The following TENM2 variants were observed in gnomAD, a reference collection of about 807,000 sequenced individuals.
The protein encoded by TENM2 is teneurin transmembrane protein 2.
Under a neutral mutation model 245.2 loss-of-function variants are expected in TENM2, and 52 were observed. The ratio of observed to expected loss-of-function variants is 0.21; its 90% CI spans 0.17 to 0.27. The LOEUF (loss-of-function observed/expected upper bound fraction) is 0.27. TENM2 is among the 10% of genes least tolerant of loss of function. The pLI, the probability that TENM2 is intolerant of heterozygous loss-of-function variation, is 1.00. For missense variants in TENM2, 3,046 were observed against 3,666.8 expected (o/e 0.83, Z 4.37); for synonymous variants, 1,363 against 1,438.9 (o/e 0.95, Z 1.19).
chr5:168,070,984 A>AAAAGAG (rs1790969145), intron 7 of TENM2, among the ~76,000 whole-genome samples: 1 of 151,974 alleles, frequency 6.6e-6, no homozygotes, highest in African/African-American at 2.4e-5. Context: ...AAGGGAAAGG[A>AAAAGAG]AAAGAGAAAG....
chr5:167,520,464 C>G (rs949451070), intron 2 of TENM2, among the ~76,000 whole-genome samples: 3 of 151,954 alleles, frequency 2.0e-5, no homozygotes, highest in African/African-American at 7.3e-5. Flanking sequence ...CATGTTCTTT[C>G]AGTATGAGAT....
chr5:167,643,846 T>G (rs1054221914), intron 2 of TENM2, among the ~76,000 whole-genome samples: 1 of 152,230 alleles, frequency 6.6e-6, no homozygotes, highest in Non-Finnish European at 1.5e-5. Context: ...AAATACGTGT[T>G]AAGTAATGCA....
intron 22 of TENM2, among the ~76,000 whole-genome samples, 176 bp from the exon 25 acceptor site, chr5:168,217,949 A>G (rs568908864): frequency 6.6e-6 from 1 of 152,264 alleles, no homozygotes; most frequent in South Asian, 2.1e-4. Flanking sequence ...CTTCTTCTCC[A>G]TCACACCCAC....
intron 2 of TENM2, among the ~76,000 whole-genome samples, chr5:167,839,691 G>C (rs1280977961): frequency 6.6e-6 from 1 of 152,150 alleles, no homozygotes; most frequent in Non-Finnish European, 1.5e-5. Context: ...TATTAGCAAT[G>C]AGCACATGCA....
chr5:167,126,149 G>A, the TENM2 span, among the ~76,000 whole-genome samples: 1 of 152,118 alleles, frequency 6.6e-6, no homozygotes. Context: ...AGAGAAGCTG[G>A]GAATTCAAAC....
chr5:167,797,063 T>C (rs1765376523), intron 2 of TENM2, among the ~76,000 whole-genome samples: 1 of 152,206 alleles, frequency 6.6e-6, no homozygotes, highest in African/African-American at 2.4e-5. Context: ...GATAAGTTAT[T>C]AATGGTAATA....
intron 5 of TENM2, among the ~76,000 whole-genome samples, chr5:167,997,560 A>G (rs1430200293): frequency 6.6e-6 from 1 of 152,256 alleles, no homozygotes; most frequent in Non-Finnish European, 1.5e-5. Context: ...ACTTAGTGAC[A>G]GCTGGTTAAC....
chr5:167,111,578 A>T, the TENM2 span, among the ~76,000 whole-genome samples: 6 of 152,316 alleles, frequency 3.9e-5, no homozygotes, highest in African/African-American at 1.4e-4. Flanking sequence ...CAGGTTTGTC[A>T]TCTGCTGTGT....
At chr5:167,615,709 C>T (rs1176751489) in intron 2 of TENM2, among the ~76,000 whole-genome samples, 1 of 151,892 alleles carries the variant, frequency 6.6e-6, no homozygotes, top group East Asian at 1.9e-4. Flanking sequence ...AGAGAGACAA[C>T]CAACAGCCCA....
chr5:167,572,810 C>T (rs919093019), intron 2 of TENM2, among the ~76,000 whole-genome samples: 2 of 152,166 alleles, frequency 1.3e-5, no homozygotes, highest in African/African-American at 4.8e-5. Flanking sequence ...GAGAAGGATG[C>T]AGTAAAAGTC....
At chr5:168,205,103 G>A (rs938399601) in intron 19 of TENM2, among the ~76,000 whole-genome samples, 1 of 152,270 alleles carries the variant, frequency 6.6e-6, no homozygotes, top group Non-Finnish European at 1.5e-5. Flanking sequence ...CCCATTGCTG[G>A]CTACTAAGTC....
At chr5:167,203,512 C>T in the TENM2 span, among the ~76,000 whole-genome samples, 1 of 152,182 alleles carries the variant, frequency 6.6e-6, no homozygotes, top group Admixed American at 6.5e-5. Flanking sequence ...CAGACTGAAG[C>T]AAAGGTTTTC....
intron 22 of TENM2, among the ~76,000 whole-genome samples, 197 bp from the exon 25 acceptor site, chr5:168,217,923 ATATAT>A (rs947007144): frequency 1.3e-5 from 2 of 152,114 alleles, no homozygotes; most frequent in African/African-American, 4.8e-5. Flanking sequence ...GGTAGAAAAT[ATATAT>A]TATATTATCT....
chr5:167,509,864 T>G (rs1769811433), intron 2 of TENM2, among the ~76,000 whole-genome samples: 1 of 152,160 alleles, frequency 6.6e-6, no homozygotes, highest in Admixed American at 6.5e-5. Context: ...CATAGCCAGG[T>G]TTTGGACCTA....
At chr5:167,234,214 C>T in the TENM2 span, among the ~76,000 whole-genome samples, 8 of 152,252 alleles carry the variant, frequency 5.3e-5, no homozygotes, top group Non-Finnish European at 7.4e-5. Context: ...GCCCTCACAC[C>T]CAGGCTAAGG....
At chr5:166,982,894 T>C in the TENM2 span, among the ~76,000 whole-genome samples, 4 of 152,084 alleles carry the variant, frequency 2.6e-5, no homozygotes, top group African/African-American at 9.7e-5. Context: ...ATACTCTGCT[T>C]TAAGTTTTGT....
At chr5:167,145,246 TACTC>T in the TENM2 span, among the ~76,000 whole-genome samples, 6 of 152,314 alleles carry the variant, frequency 3.9e-5, no homozygotes, top group Admixed American at 3.9e-4. Context: ...GGGAGGCTAT[TACTC>T]AATCAGCGCA....
chr5:167,232,135 C>G, the TENM2 span, among the ~76,000 whole-genome samples: 1 of 152,134 alleles, frequency 6.6e-6, no homozygotes, highest in African/African-American at 2.4e-5. Context: ...AAGGATGGAG[C>G]ACTCATGGAG....
intron 2 of TENM2, among the ~76,000 whole-genome samples, chr5:167,523,955 T>C (rs952652823): frequency 2.6e-5 from 4 of 152,172 alleles, no homozygotes; most frequent in Admixed American, 1.3e-4. Context: ...AAGTCGTAAA[T>C]GTGGTCTGAT....
Sources: allele counts gnomAD v4.1 joint callset (sites outside exome capture counted in the v4.1 genomes callset), GRCh38; gene constraint gnomAD v4.1.1; transcripts MANE v1.5; gene names NCBI Gene and HGNC (gene_info 2026-07-23, HGNC 2026-07-21).